The following KLF7 variants were observed in gnomAD, a reference collection of about 807,000 sequenced individuals.
KLF7 encodes the protein KLF transcription factor 7.
In KLF7, 2 loss-of-function variants were observed where a neutral mutation model predicts 27.3. That is an observed-to-expected ratio of 0.07 (90% CI 0.03 to 0.23). The LOEUF is 0.23. Among genes scored for constraint, KLF7 ranks in the 10% least tolerant of loss-of-function variants. The pLI is 1.00. For missense variants in KLF7, 221 were observed against 394.1 expected (o/e 0.56, Z 3.72); for synonymous variants, 165 against 162.4 (o/e 1.02, Z -0.12).
rs1464972509 is a variant in KLF7 at position 207,076,964 on chromosome 2, C to A, written c.*4249G>T. The stretch of plus-strand genomic sequence containing the variant: ...AGAAATGCTGGCCCTCTTAAGATTT[C>A]AAAAAAATTCTAATAAACTAAAAAA... On this transcript the variant is annotated 3_prime_UTR_variant, in exon 4 of 4. Transcript: ENST00000309446. 3 of 152,014 alleles carry A rather than the reference C, an allele frequency of 2.0e-5. No homozygotes were observed. The highest frequency in any genetic ancestry group is 1.3e-4 in the Admixed American group (2 of 15,260). 9.4% of individuals were successfully genotyped at this position (152,014 alleles called of 1,614,324 possible).
chr2:207,083,478 C>A (rs2076320922), intron 3 of KLF7, among the ~76,000 whole-genome samples: 1 of 152,142 alleles, frequency 6.6e-6, no homozygotes, highest in South Asian at 2.1e-4. Context: ...TTCCCACTAC[C>A]AGATGAAACA....
chr2:207,140,271 C>T (rs1455899923), intron 1 of KLF7, among the ~76,000 whole-genome samples: 1 of 152,148 alleles, frequency 6.6e-6, no homozygotes, highest in African/African-American at 2.4e-5. Flanking sequence ...ATACCAAATA[C>T]ATAGAAACTC....
intron 1 of KLF7, among the ~76,000 whole-genome samples, chr2:207,136,936 G>C (rs2077806006): frequency 6.6e-6 from 1 of 152,192 alleles, no homozygotes; most frequent in Non-Finnish European, 1.5e-5. Context: ...TCATCAGACA[G>C]AAGCCAAATG....
chr2:207,099,085 G>C (rs1338232980), intron 2 of KLF7, among the ~76,000 whole-genome samples: 1 of 152,106 alleles, frequency 6.6e-6, no homozygotes, highest in Non-Finnish European at 1.5e-5. Context: ...AACCAACAGA[G>C]AAAAGGAAAC....
Position 207,075,126 on chromosome 2 carries a change from T to C in KLF7, c.*6087A>G, listed in dbSNP as rs914348836. 6.6e-6 allele frequency: 1 copy of C among 152,154 alleles called. No individual in the cohort carries two copies. The highest frequency in any genetic ancestry group is 6.5e-5 in the Admixed American group (1 of 15,274). 9.4% of individuals were successfully genotyped at this position (152,154 alleles called of 1,614,324 possible). A position where few individuals can be genotyped will look rare whatever the true frequency, so the allele number is the denominator to read the frequency against. On this transcript the variant is annotated 3_prime_UTR_variant, in exon 4 of 4. Transcript: ENST00000309446. ...CACATTCTACTGTTTATTACACATA[T>C]TACATTCTTAAATAAAAATGCGTCA...
chr2:207,133,047 G>A (rs2077680444), intron 1 of KLF7, among the ~76,000 whole-genome samples: 1 of 152,126 alleles, frequency 6.6e-6, no homozygotes, highest in South Asian at 2.1e-4. Flanking sequence ...TTGGCCACTG[G>A]ACTATAACTA....
chr2:207,105,566 A>G (rs1225100048), intron 2 of KLF7, among the ~76,000 whole-genome samples: 1 of 152,202 alleles, frequency 6.6e-6, no homozygotes, highest in Non-Finnish European at 1.5e-5. Flanking sequence ...CACAGAAGCA[A>G]AAGACCCCAC....
chr2:207,096,925 C>T (rs1574441263), intron 2 of KLF7, among the ~76,000 whole-genome samples: 1 of 152,218 alleles, frequency 6.6e-6, no homozygotes, highest in African/African-American at 2.4e-5. Flanking sequence ...CCTCTAGCAA[C>T]AGTGGTTCTC....
At chr2:207,156,681 C>T (rs559548620) in intron 1 of KLF7, among the ~76,000 whole-genome samples, 14 of 152,202 alleles carry the variant, frequency 9.2e-5, no homozygotes, top group Non-Finnish European at 1.5e-4. Flanking sequence ...GCCAAACAGA[C>T]TGCCTTAGAC....
chr2:207,144,867 G>A, intron 1 of KLF7, among the ~76,000 whole-genome samples: 1 of 152,180 alleles, frequency 6.6e-6, no homozygotes, highest in East Asian at 1.9e-4. Flanking sequence ...AGAAGGTTAA[G>A]TACCCCCTGT....
chr2:207,155,739 T>C (rs2078364742), intron 1 of KLF7, among the ~76,000 whole-genome samples: 1 of 152,204 alleles, frequency 6.6e-6, no homozygotes, highest in South Asian at 2.1e-4. Context: ...GAATCAGTTC[T>C]GCATAGGGCC....
chr2:207,077,446 A>G lies in KLF7; in HGVS notation c.*3767T>C, dbSNP rs560843633. On this transcript the variant is annotated 3_prime_UTR_variant, in exon 4 of 4. Coordinates refer to ENST00000309446, the MANE Select transcript of KLF7 (RefSeq NM_003709.4). The stretch of plus-strand genomic sequence containing the variant: ...CCTTTTACCCTGTTATCATCAGGCA[A>G]TCAAAGATGTACAAAGGGCACAAGA... The G allele has an allele frequency of 3.3e-5, 5 of 152,302 alleles. No homozygotes were observed. The East Asian group carries it at 5.8e-4, about 18-fold the overall frequency. The allele number at this position is 152,302 out of a possible 1,614,324, so 9.4% of individuals were successfully genotyped here. A position where few individuals can be genotyped will look rare whatever the true frequency, so the allele number is the denominator to read the frequency against.
chr2:207,120,343 T>A (rs2077303380), intron 2 of KLF7, among the ~76,000 whole-genome samples: 1 of 152,206 alleles, frequency 6.6e-6, no homozygotes, highest in African/African-American at 2.4e-5. Flanking sequence ...TAAAAATTCT[T>A]CAATGCAAGC....
intron 2 of KLF7, among the ~76,000 whole-genome samples, chr2:207,122,718 C>G (rs1376029107): frequency 6.6e-6 from 1 of 152,160 alleles, no homozygotes; most frequent in Non-Finnish European, 1.5e-5. Flanking sequence ...CCCAGAGCAC[C>G]AAACACTTTT....
At position 207,077,424 on chromosome 2, in the gene KLF7, T is replaced by C. The variant is rs1397389612; in HGVS notation, c.*3789A>G. ...AATCAGGCATGAGGTTGGCTGTCCTTTTACCCTGTTATCATCAGGCAATCA... is the reference window on the plus strand; with the variant it reads ...AATCAGGCATGAGGTTGGCTGTCCTCTTACCCTGTTATCATCAGGCAATCA... On this transcript the variant is annotated 3_prime_UTR_variant, in exon 4 of 4. Transcript: ENST00000309446. 1 of 152,172 alleles carries C rather than the reference T, an allele frequency of 6.6e-6. No homozygotes were observed. Among genetic ancestry groups the C allele is most frequent in the East Asian group, 1.9e-4 (1 of 5,198 alleles). The allele number at this position is 152,172 out of a possible 1,614,324, so 9.4% of individuals were successfully genotyped here.
intron 2 of KLF7, among the ~76,000 whole-genome samples, chr2:207,114,107 C>CCA (rs1443167957): frequency 6.6e-6 from 1 of 152,194 alleles, no homozygotes; most frequent in African/African-American, 2.4e-5. Context: ...CGTCATTTTG[C>CCA]CACACATTAC....
chr2:207,124,609 T>C (rs555193054), intron 1 of KLF7, among the ~76,000 whole-genome samples: 39 of 152,288 alleles, frequency 2.6e-4, no homozygotes, highest in African/African-American at 8.7e-4. Flanking sequence ...ATGATTTCAA[T>C]TACTCTAGCT....
intron 2 of KLF7, among the ~76,000 whole-genome samples, chr2:207,107,346 G>A (rs566773936): frequency 2.0e-5 from 3 of 152,264 alleles, no homozygotes; most frequent in African/African-American, 7.2e-5. Context: ...GGACGCCTCT[G>A]ACACAGCAGT....
chr2:207,074,924 C>G lies in KLF7; in HGVS notation c.*6289G>C, dbSNP rs899495500. ...AATGAAACTATAAAATACACACATACGCACACACACACACAACTTCCCAAA... is the reference window on the plus strand; with the variant it reads ...AATGAAACTATAAAATACACACATAGGCACACACACACACAACTTCCCAAA... On this transcript the variant is annotated 3_prime_UTR_variant, in exon 4 of 4. Transcript: ENST00000309446. 1 of 152,150 alleles carries G rather than the reference C, an allele frequency of 6.6e-6. No homozygotes were observed. The highest frequency in any genetic ancestry group is 2.4e-5 in the African/African-American group (1 of 41,412). 9.4% of individuals were successfully genotyped at this position (152,150 alleles called of 1,614,324 possible).
Sources: gnomAD v4.1 joint callset for allele counts (sites outside exome capture counted in the v4.1 genomes callset) on GRCh38, gnomAD v4.1.1 for gene constraint, MANE v1.5 for transcripts, NCBI Gene and HGNC (gene_info 2026-07-23, HGNC 2026-07-21) for gene names.